The following NRG3 variants were observed in gnomAD, a reference collection of about 807,000 sequenced individuals.
NRG3 encodes the protein pro-neuregulin-3, membrane-bound isoform.
NRG3 carries 31 observed loss-of-function variants against 66.9 expected under a neutral mutation model. The observed-to-expected ratio is 0.46, with a 90% CI of 0.35 to 0.63. The LOEUF (loss-of-function observed/expected upper bound fraction) is 0.63, where lower values mean the gene tolerates loss of function less well. Among genes scored for constraint, NRG3 ranks in the 20% least tolerant of loss-of-function variants. The pLI is 0.00. For synonymous variants in NRG3, 393 were observed against 359.4 expected (o/e 1.09, Z -1.06); for missense variants, 910 against 878.9 (o/e 1.04, Z -0.45).
chr10:82,923,808 G>A (rs960241762), intron 4 of NRG3, among the ~76,000 whole-genome samples: 3 of 151,942 alleles, frequency 2.0e-5, no homozygotes, highest in Non-Finnish European at 4.4e-5. Context: ...CTGTGTGTGT[G>A]TGTGCACGCA....
chr10:82,309,248 G>T (rs189544577), intron 1 of NRG3, among the ~76,000 whole-genome samples: 1 of 152,118 alleles, frequency 6.6e-6, no homozygotes, highest in Non-Finnish European at 1.5e-5. Context: ...CCTATGAATG[G>T]GTTTTATACA....
chr10:82,752,582 C>A (rs1318101590), intron 3 of NRG3, among the ~76,000 whole-genome samples: 1 of 152,220 alleles, frequency 6.6e-6, no homozygotes, highest in Non-Finnish European at 1.5e-5. Flanking sequence ...CAATTCCATT[C>A]ATTGCATATA....
chr10:82,328,877 G>T (rs7912362), intron 1 of NRG3, among the ~76,000 whole-genome samples: 54,548 of 152,164 alleles, frequency 0.36, 13,738 homozygotes, highest in African/African-American at 0.7. Flanking sequence ...TGTCCCTGAA[G>T]TTTGCCTCAT....
chr10:82,192,897 T>C (rs1202930228), intron 1 of NRG3, among the ~76,000 whole-genome samples: 1 of 151,966 alleles, frequency 6.6e-6, no homozygotes, highest in East Asian at 1.9e-4. Flanking sequence ...AGAACAACTT[T>C]CCAAGACATG....
rs1491070013 is a variant in NRG3 at position 81,943,922 on chromosome 10, TTG to T, written c.823+67762_823+67763del. 8.5e-5 allele frequency among the ~76,000 whole-genome samples: 13 copies of T among 152,294 alleles called. No homozygotes were observed. The South Asian group carries it at 2.7e-3, about 32-fold the overall frequency. On this transcript the variant is annotated intron_variant, in intron 1 of 8. Coordinates refer to ENST00000372141, the MANE Select transcript of NRG3 (RefSeq NM_001010848.4). Reference sequence around the variant, plus strand: ...TGGGAACTACAGATGACTTACCACATTGTGACAAGTGTAGTCTCCACAGTTTT... The same window carrying T: ...TGGGAACTACAGATGACTTACCACATTGACAAGTGTAGTCTCCACAGTTTT...
At chr10:82,245,871 G>T (rs2077213192) in intron 1 of NRG3, among the ~76,000 whole-genome samples, 1 of 151,490 alleles carries the variant, frequency 6.6e-6, no homozygotes, top group African/African-American at 2.4e-5. Flanking sequence ...TCCCTAATTT[G>T]CCCTGCTCTT....
chr10:82,900,484 G>A (rs573571593), intron 4 of NRG3, among the ~76,000 whole-genome samples: 1 of 151,894 alleles, frequency 6.6e-6, no homozygotes, highest in Admixed American at 6.6e-5. Flanking sequence ...ATGATGTATT[G>A]CCTTTAAAAA....
intron 1 of NRG3, among the ~76,000 whole-genome samples, chr10:82,291,843 C>A (rs1049990445): frequency 6.6e-6 from 1 of 152,042 alleles, no homozygotes; most frequent in Admixed American, 6.6e-5. Flanking sequence ...AATGAATTAT[C>A]GGCTGGAAAC....
At chr10:82,199,976 T>C (rs1309987463) in intron 1 of NRG3, among the ~76,000 whole-genome samples, 1 of 151,880 alleles carries the variant, frequency 6.6e-6, no homozygotes, top group East Asian at 1.9e-4. Flanking sequence ...GACATCACTG[T>C]GGAGATTGGT....
intron 1 of NRG3, among the ~76,000 whole-genome samples, chr10:81,993,400 G>A (rs552708198): frequency 2.0e-5 from 3 of 152,266 alleles, no homozygotes; most frequent in East Asian, 3.9e-4. Context: ...AGGCTGGAGT[G>A]CAGAGGTGTG....
intron 1 of NRG3, among the ~76,000 whole-genome samples, chr10:82,259,783 T>A (rs954017956): frequency 6.6e-6 from 1 of 152,034 alleles, no homozygotes; most frequent in Non-Finnish European, 1.5e-5. Context: ...TTTAAAAATA[T>A]TATCCAGGCA....
chr10:82,534,992 G>A (rs921910940), intron 2 of NRG3, among the ~76,000 whole-genome samples: 2 of 151,356 alleles, frequency 1.3e-5, no homozygotes, highest in African/African-American at 4.9e-5. Flanking sequence ...CTGAAACCCT[G>A]TCACTACTAA....
intron 1 of NRG3, among the ~76,000 whole-genome samples, chr10:82,077,768 A>C (rs531907650): frequency 6.6e-6 from 1 of 152,320 alleles, no homozygotes; most frequent in Non-Finnish European, 1.5e-5. Context: ...GGTGTAATTA[A>C]TTTTTCATGA....
At chr10:82,319,775 G>T (rs972941422) in intron 1 of NRG3, among the ~76,000 whole-genome samples, 1 of 152,182 alleles carries the variant, frequency 6.6e-6, no homozygotes, top group Non-Finnish European at 1.5e-5. Flanking sequence ...AGAGTGGGAG[G>T]AGCTGATGGA....
At chr10:82,298,648 A>C (rs974167335) in intron 1 of NRG3, among the ~76,000 whole-genome samples, 5 of 152,068 alleles carry the variant, frequency 3.3e-5, no homozygotes, top group African/African-American at 1.2e-4. Flanking sequence ...TTAAAAAAAA[A>C]CCTTACCTCT....
chr10:82,913,737 G>T (rs1048891518), intron 4 of NRG3, among the ~76,000 whole-genome samples: 1 of 152,058 alleles, frequency 6.6e-6, no homozygotes, highest in African/African-American at 2.4e-5. Flanking sequence ...TCTCTTTTCA[G>T]GATTTTGTTT....
intron 1 of NRG3, among the ~76,000 whole-genome samples, chr10:82,114,183 T>C (rs895928962): frequency 6.6e-6 from 1 of 152,150 alleles, no homozygotes; most frequent in African/African-American, 2.4e-5. Flanking sequence ...CAATATTCCA[T>C]TGCATAGATA....
chr10:82,074,965 G>A (rs1020318278), intron 1 of NRG3, among the ~76,000 whole-genome samples: 1 of 152,146 alleles, frequency 6.6e-6, no homozygotes, highest in African/African-American at 2.4e-5. Flanking sequence ...ATCCTCAAAA[G>A]CAGTGGGTCT....
intron 8 of NRG3, among the ~76,000 whole-genome samples, chr10:82,982,493 A>G (rs1343432438): frequency 1.3e-5 from 2 of 152,158 alleles, no homozygotes; most frequent in Non-Finnish European, 2.9e-5. Context: ...TCAGAATCAC[A>G]TCTAGAAATT....
Sources: gnomAD v4.1 joint callset for allele counts (sites outside exome capture counted in the v4.1 genomes callset) on GRCh38, gnomAD v4.1.1 for gene constraint, MANE v1.5 for transcripts, NCBI Gene and HGNC (gene_info 2026-07-23, HGNC 2026-07-21) for gene names.